The following MATN2 variants were observed in gnomAD, a reference collection of about 807,000 sequenced individuals.
MATN2 encodes the protein matrilin-2.
MATN2 carries 69 observed loss-of-function variants against 103.2 expected under a neutral mutation model. The ratio of observed to expected loss-of-function variants is 0.67; its 90% CI spans 0.55 to 0.82. The LOEUF (loss-of-function observed/expected upper bound fraction) is 0.82. Ranked by LOEUF, MATN2 falls within the 40% of genes least tolerant of loss-of-function variation. MATN2 has a pLI of 0.00. For synonymous variants in MATN2, 429 were observed against 450.2 expected (o/e 0.95, Z 0.60); for missense variants, 1,023 against 1,211.5 (o/e 0.84, Z 2.31).
chr8:97,979,096 T>C (rs1811940680), intron 6 of MATN2, 88 bp downstream of exon 6: 2 of 1,418,090 alleles, frequency 1.4e-6, no homozygotes, highest in African/African-American at 2.9e-5. Flanking sequence ...AAGTATAGAT[T>C]AGCAATATAA....
rs16896468 is a variant in MATN2 at position 97,962,028 on chromosome 8, G to T, written c.958+498G>T. On this transcript the variant is annotated intron_variant, in intron 5 of 18. Coordinates refer to ENST00000254898, the MANE Select transcript of MATN2 (RefSeq NM_002380.5). ...TATGGGCTCAGCGTAATTAGACGGC[G>T]TGGTCAGAGGAAACTAGCAGTAGCC... Among the ~76,000 whole-genome samples the T allele has an allele frequency of 3.0e-3, 461 of 152,212 alleles. 1 individual carries two copies. Among genetic ancestry groups the T allele is most frequent in the Admixed American group, 6.1e-3 (94 of 15,292 alleles).
Position 98,007,583 on chromosome 8 carries a change from G to A in MATN2, c.1555G>A (p.Asp519Asn), listed in dbSNP as rs761001303. ...QCPEGHVLRS[D>N]GKTCAKLDSC... ...TCCTGAGGGACACGTGCTCCGCAGC[G>A]ATGGGAAGACGTGTGCAAGTAAGTG... Residue 519 changes from aspartate (D) to asparagine (N), a missense_variant, in exon 10 of 19, where the codon GAT becomes AAT. Physicochemically the swap from Asp to Asn is conservative, Grantham distance 23. Coordinates refer to ENST00000254898, the MANE Select transcript of MATN2 (RefSeq NM_002380.5). This position sits in a 1 kb window ranked among gnomAD's most constrained non-coding sequence, Gnocchi z 4.2. 6.2e-6 allele frequency: 10 copies of A among 1,612,016 alleles called. No individual in the cohort carries two copies. In the Admixed American group the frequency reaches 1.0e-4, roughly 16 times the overall value.
At chr8:98,028,714 G>A (rs1381209239) in intron 14 of MATN2, among the ~76,000 whole-genome samples, 1 of 152,130 alleles carries the variant, frequency 6.6e-6, no homozygotes, top group Non-Finnish European at 1.5e-5. Context: ...GGCCTCCTGA[G>A]TATTGGGTAC....
intron 2 of MATN2, among the ~76,000 whole-genome samples, chr8:97,902,961 AG>A (rs1011912763): frequency 1.3e-5 from 2 of 152,184 alleles, no homozygotes; most frequent in African/African-American, 4.8e-5. Flanking sequence ...AGCTGTTTGC[AG>A]GAGTTGTCTA....
At chr8:97,878,010 C>CA (rs1299493151) in intron 1 of MATN2, among the ~76,000 whole-genome samples, 25 of 144,616 alleles carry the variant, frequency 1.7e-4, no homozygotes, top group South Asian at 4.4e-4. Context: ...AAAACAAAAA[C>CA]AAAAAAAAAC....
chr8:97,952,601 C>CTA (rs34464001), intron 4 of MATN2, among the ~76,000 whole-genome samples: 2 of 151,836 alleles, frequency 1.3e-5, no homozygotes, highest in African/African-American at 4.8e-5. Context: ...TCTGGGGAAA[C>CTA]TGGTTGGGTT....
chr8:97,942,325 T>C (rs1810596323), intron 4 of MATN2, among the ~76,000 whole-genome samples: 1 of 152,256 alleles, frequency 6.6e-6, no homozygotes, highest in South Asian at 2.1e-4. Context: ...GGAGTGATTA[T>C]TCAAGTTCTG....
At chr8:97,890,067 C>A (rs568254933) in intron 2 of MATN2, among the ~76,000 whole-genome samples, 3 of 152,292 alleles carry the variant, frequency 2.0e-5, no homozygotes, top group African/African-American at 4.8e-5. Context: ...TGGGGCACAA[C>A]CTATCTTTCC....
intron 4 of MATN2, among the ~76,000 whole-genome samples, chr8:97,955,572 A>G (rs1811119465): frequency 6.6e-6 from 1 of 152,238 alleles, no homozygotes; most frequent in African/African-American, 2.4e-5. Flanking sequence ...ACATTTATTA[A>G]TTGAGACAGA....
At position 98,027,462 on chromosome 8, in the gene MATN2, C is replaced by T. The variant is rs766708569; in HGVS notation, c.1989C>T (p.Ser663=). The change falls in exon 14 of 19, where the codon TCC becomes TCT. Residue 663 remains serine, a synonymous_variant. Coordinates refer to ENST00000254898, the MANE Select transcript of MATN2 (RefSeq NM_002380.5). ...PIDLVFVIDG[S]KSLGEENFEV... ...ACCTGGTCTTTGTGATCGATGGATC[C>T]AAGAGTCTTGGAGAAGAGAATTTTG... 7 of 1,613,440 alleles carry T rather than the reference C, an allele frequency of 4.3e-6. No homozygotes were observed. The South Asian group carries it at 5.5e-5, about 13-fold the overall frequency.
chr8:97,955,897 C>A (rs1467010198), intron 4 of MATN2, among the ~76,000 whole-genome samples: 1 of 152,344 alleles, frequency 6.6e-6, no homozygotes, highest in Admixed American at 6.5e-5. Flanking sequence ...GGTTCCCTAA[C>A]TGTCATGACA....
At chr8:97,966,672 G>A (rs989505343) in intron 5 of MATN2, among the ~76,000 whole-genome samples, 7 of 152,098 alleles carry the variant, frequency 4.6e-5, no homozygotes, top group East Asian at 1.9e-4. Context: ...CAGAAAACTC[G>A]GCATTAACAT....
intron 18 of MATN2, 119 bp downstream of exon 18, chr8:98,033,778 A>G: frequency 1.4e-6 from 1 of 732,844 alleles, no homozygotes. Context: ...AAGAACAGTG[A>G]TCTCCAGGAA....
intron 1 of MATN2, among the ~76,000 whole-genome samples, chr8:97,874,249 A>G (rs1350526296): frequency 3.9e-5 from 6 of 152,204 alleles, no homozygotes; most frequent in Non-Finnish European, 8.8e-5. Flanking sequence ...TCCAGGTGTC[A>G]GCAGGGAGAA....
At chr8:97,929,752 T>A (rs1385209967) in intron 2 of MATN2, among the ~76,000 whole-genome samples, 1 of 152,226 alleles carries the variant, frequency 6.6e-6, no homozygotes, top group East Asian at 1.9e-4. Context: ...TAGGATTAGA[T>A]CTGAGTCCCC....
At chr8:97,969,050 A>G (rs1213932282) in intron 5 of MATN2, among the ~76,000 whole-genome samples, 3 of 151,842 alleles carry the variant, frequency 2.0e-5, no homozygotes, top group African/African-American at 4.9e-5. Flanking sequence ...AAAGTTTACA[A>G]TCAAGGCAAA....
At position 97,959,944 on chromosome 8, in the gene MATN2, G is replaced by C. The variant is rs552903146; in HGVS notation, c.836-1464G>C. Among the ~76,000 whole-genome samples, 141 of 152,192 alleles carry C rather than the reference G, an allele frequency of 9.3e-4. 2 individuals carry two copies. The South Asian group carries it at 0.015, about 16-fold the overall frequency. ...AATTAAGTTTTTTTAAATCATACCT[G>C]TTGTAGTGATAGCTTTTTTTTGTTT... On this transcript the variant is annotated intron_variant, in intron 4 of 18. Transcript: ENST00000254898.
At chr8:98,026,409 A>G (rs1358491414) in intron 13 of MATN2, among the ~76,000 whole-genome samples, 1 of 151,978 alleles carries the variant, frequency 6.6e-6, no homozygotes, top group African/African-American at 2.4e-5. Flanking sequence ...ACAGGCATGC[A>G]CTACCATGCC....
chr8:97,873,626 G>T (rs1289641142), intron 1 of MATN2, among the ~76,000 whole-genome samples: 1 of 151,982 alleles, frequency 6.6e-6, no homozygotes, highest in Non-Finnish European at 1.5e-5. Flanking sequence ...CACCATGCTT[G>T]GCTGTTTTCA....
Sources: allele counts gnomAD v4.1 joint callset (sites outside exome capture counted in the v4.1 genomes callset), GRCh38; gene constraint gnomAD v4.1.1; non-coding constraint Gnocchi (gnomAD v3.1); transcripts MANE v1.5; gene names NCBI Gene and HGNC (gene_info 2026-07-23, HGNC 2026-07-21).